Variants in CPNE4 observed in about 807,000 individuals in gnomAD.
The protein encoded by CPNE4 is copine 4.
CPNE4 carries 25 observed loss-of-function variants against 67.9 expected under a neutral mutation model. That is an observed-to-expected ratio of 0.37 (90% CI 0.27 to 0.51). The LOEUF (loss-of-function observed/expected upper bound fraction) is 0.51, where lower values mean the gene tolerates loss of function less well. CPNE4 is among the 20% of genes least tolerant of loss of function. The probability of loss-of-function intolerance (pLI) is 0.93; values close to 1 mark genes in which losing one functional copy is unlikely to be tolerated. For synonymous variants in CPNE4, 242 were observed against 244.9 expected (o/e 0.99, Z 0.11); for missense variants, 464 against 690.8 (o/e 0.67, Z 3.68).
Position 131,909,525 on chromosome 3 carries a change from T to G in CPNE4, c.-1-4081A>C, listed in dbSNP as rs2088897595. Among the ~76,000 whole-genome samples, 3 of 152,172 alleles carry G rather than the reference T, an allele frequency of 2.0e-5. No homozygotes were observed. The South Asian group carries it at 6.2e-4, about 32-fold the overall frequency. On this transcript the variant is annotated intron_variant, in intron 1 of 15. Transcript: ENST00000429747. ...TGGGCCTGGTTAAATGAATTTCAGA[T>G]GATGATATTTAGTTTTAACTATCCC...
intron 5 of CPNE4, among the ~76,000 whole-genome samples, chr3:131,690,876 G>T (rs147802355): frequency 2.0e-5 from 3 of 151,890 alleles, no homozygotes; most frequent in Admixed American, 6.6e-5. Context: ...AAATAAACCC[G>T]TTAAAAATTG....
chr3:131,696,629 G>A lies in CPNE4; in HGVS notation c.433-13C>T, dbSNP rs770053036. On this transcript the variant is annotated splice_polypyrimidine_tract_variant and intron_variant, in intron 4 of 15. Transcript: ENST00000429747. ...CTTCAGCAATCACCTAAAGGAAAAAGCACACATCAGCTGCAATAGAGGGTG... is the reference window on the plus strand; with the variant it reads ...CTTCAGCAATCACCTAAAGGAAAAAACACACATCAGCTGCAATAGAGGGTG... 1.2e-6 allele frequency: 2 copies of A among 1,612,580 alleles called. No individual in the cohort carries two copies. The highest frequency in any genetic ancestry group is 1.7e-6 in the Non-Finnish European group (2 of 1,178,798).
intron 1 of CPNE4, among the ~76,000 whole-genome samples, chr3:132,002,387 T>C (rs887898281): frequency 4.6e-5 from 7 of 152,164 alleles, no homozygotes; most frequent in African/African-American, 1.7e-4. Flanking sequence ...GGAGTTGAAC[T>C]CTGATTTCAA....
At chr3:131,585,765 A>T (rs545784536) in intron 8 of CPNE4, among the ~76,000 whole-genome samples, 11 of 152,186 alleles carry the variant, frequency 7.2e-5, no homozygotes, top group Non-Finnish European at 1.6e-4. Flanking sequence ...TCAATAGAGC[A>T]ATATTCTCTA....
chr3:131,775,303 T>C (rs78291266), intron 2 of CPNE4, among the ~76,000 whole-genome samples: 135 of 152,256 alleles, frequency 8.9e-4, no homozygotes, highest in African/African-American at 3.2e-3. Context: ...TGACTTTTTT[T>C]GAGACATGTT....
At chr3:131,828,749 C>T (rs1487637241) in intron 2 of CPNE4, among the ~76,000 whole-genome samples, 2 of 152,172 alleles carry the variant, frequency 1.3e-5, no homozygotes, top group African/African-American at 2.4e-5. Context: ...GAGAGGATCA[C>T]TTGAGCCCAG....
At chr3:131,865,844 G>C (rs542637103) in intron 2 of CPNE4, among the ~76,000 whole-genome samples, 2 of 152,214 alleles carry the variant, frequency 1.3e-5, no homozygotes, top group African/African-American at 4.8e-5. Context: ...GGGAAGAATA[G>C]AAATCAGGAG....
intron 2 of CPNE4, among the ~76,000 whole-genome samples, chr3:131,838,273 G>T (rs1248569825): frequency 6.6e-6 from 1 of 151,722 alleles, no homozygotes; most frequent in Non-Finnish European, 1.5e-5. Context: ...ATATTTTAAA[G>T]GCTTCATATT....
At chr3:131,606,290 C>T (rs1331791874) in intron 7 of CPNE4, among the ~76,000 whole-genome samples, 1 of 152,192 alleles carries the variant, frequency 6.6e-6, no homozygotes, top group Non-Finnish European at 1.5e-5. Context: ...AATGCAACCA[C>T]CATAGGTGTT....
At chr3:131,938,603 C>T (rs1583480826) in intron 1 of CPNE4, among the ~76,000 whole-genome samples, 2 of 152,002 alleles carry the variant, frequency 1.3e-5, no homozygotes, top group Non-Finnish European at 2.9e-5. Flanking sequence ...AAAGGGGAAG[C>T]AGGCACCTTC....
At chr3:132,026,877 T>C (rs1211424896) in intron 1 of CPNE4, among the ~76,000 whole-genome samples, 4 of 78,098 alleles carry the variant, frequency 5.1e-5, no homozygotes, top group South Asian at 5.1e-4. Flanking sequence ...AATGAGGAAA[T>C]AGGGACAGGT....
intron 2 of CPNE4, among the ~76,000 whole-genome samples, chr3:131,870,967 T>A (rs1002718021): frequency 2.2e-4 from 33 of 152,140 alleles, no homozygotes; most frequent in African/African-American, 8.0e-4. Flanking sequence ...GAGGTCCTAC[T>A]GATGTTTAGT....
intron 2 of CPNE4, among the ~76,000 whole-genome samples, chr3:131,785,560 GT>G (rs1379641363): frequency 6.6e-6 from 1 of 151,762 alleles, no homozygotes; most frequent in African/African-American, 2.4e-5. Context: ...CTTAGTGTAT[GT>G]TTTGAAAATA....
chr3:131,912,115 A>G lies in CPNE4; in HGVS notation c.-1-6671T>C, dbSNP rs528433810. ...TTCACACAATACCTTGGGGAGACTA[A>G]TGTCTGCTGAGAATTATTTTGATAA... is the stretch of plus-strand genomic sequence containing the variant. On this transcript the variant is annotated intron_variant, in intron 1 of 15. Transcript: ENST00000429747. Among the ~76,000 whole-genome samples, 73 of 152,332 alleles carry G rather than the reference A, an allele frequency of 4.8e-4. 1 individual carries two copies. Among genetic ancestry groups the G allele is most frequent in the African/African-American group, 1.7e-3 (70 of 41,586 alleles).
At chr3:131,748,778 T>A (rs369168362) in intron 2 of CPNE4, among the ~76,000 whole-genome samples, 3 of 152,116 alleles carry the variant, frequency 2.0e-5, no homozygotes, top group East Asian at 1.9e-4. Context: ...TATCTTATTA[T>A]CCTTTTGATG....
chr3:131,754,362 C>G (rs1322696161), intron 2 of CPNE4, among the ~76,000 whole-genome samples: 1 of 150,986 alleles, frequency 6.6e-6, no homozygotes, highest in African/African-American at 2.4e-5. Context: ...TGGAACCAAA[C>G]AAAGAAGTAT....
chr3:131,994,679 T>G (rs2073244655), intron 1 of CPNE4, among the ~76,000 whole-genome samples: 3 of 152,164 alleles, frequency 2.0e-5, no homozygotes, highest in African/African-American at 7.2e-5. Flanking sequence ...CTGAATACAT[T>G]AAAGCAAGTA....
chr3:131,886,916 C>A (rs937451726), intron 2 of CPNE4, among the ~76,000 whole-genome samples: 2 of 152,170 alleles, frequency 1.3e-5, no homozygotes, highest in East Asian at 3.9e-4. Context: ...AAGGGACATG[C>A]CTTGTCTCCA....
At chr3:131,556,499 T>C (rs1936464762) in intron 11 of CPNE4, among the ~76,000 whole-genome samples, 1 of 152,078 alleles carries the variant, frequency 6.6e-6, no homozygotes, top group African/African-American at 2.4e-5. Flanking sequence ...GTTGTTTACA[T>C]GTCTTTTCTT....
Sources: allele counts gnomAD v4.1 joint callset (sites outside exome capture counted in the v4.1 genomes callset), GRCh38; gene constraint gnomAD v4.1.1; transcripts MANE v1.5; gene names NCBI Gene and HGNC (gene_info 2026-07-23, HGNC 2026-07-21).